The following CNTN4 variants were observed in gnomAD, a reference collection of about 807,000 sequenced individuals.
CNTN4 encodes the protein contactin 4.
Under a neutral mutation model 122.5 loss-of-function variants are expected in CNTN4, and 77 were observed. The ratio of observed to expected loss-of-function variants is 0.63; its 90% CI spans 0.52 to 0.76. The LOEUF is 0.76. Ranked by LOEUF, CNTN4 falls within the 30% of genes least tolerant of loss-of-function variation. The pLI is 0.00. For missense variants in CNTN4, 1,256 were observed against 1,259.1 expected (o/e 1.00, Z 0.04); for synonymous variants, 512 against 447.0 (o/e 1.15, Z -1.83).
intron 2 of CNTN4, among the ~76,000 whole-genome samples, chr3:2,178,546 G>A (rs1243397064): frequency 2.0e-5 from 3 of 152,058 alleles, no homozygotes. Context: ...TTGAATCAAT[G>A]ATTAAATATT....
intron 10 of CNTN4, among the ~76,000 whole-genome samples, chr3:2,899,566 G>T (rs553827022): frequency 6.6e-6 from 1 of 152,036 alleles, no homozygotes; most frequent in Non-Finnish European, 1.5e-5. Context: ...GGCAAGATTT[G>T]ATATTTATGA....
chr3:2,546,590 T>C (rs1330412700), intron 3 of CNTN4, among the ~76,000 whole-genome samples: 1 of 152,074 alleles, frequency 6.6e-6, no homozygotes, highest in Admixed American at 6.6e-5. Flanking sequence ...CAAACCTCCA[T>C]GACACACAGT....
Position 2,736,344 on chromosome 3 carries a change from TTGTTGATGTAAAAGCATG to T in CNTN4, c.182+8_182+25del. ...GGAAATCCAAAACCTCATATCAGGT[TTGTTGATGTAAAAGCATG>T]TGTTTCCATGCATATAGTTTCTGTT... On this transcript the variant is annotated splice_donor_5th_base_variant and intron_variant, in intron 5 of 24. Coordinates refer to ENST00000418658, the MANE Select transcript of CNTN4 (RefSeq NM_175607.3). 1 of 1,613,346 alleles carries T rather than the reference TTGTTGATGTAAAAGCATG, an allele frequency of 6.2e-7. No homozygotes were observed. The highest frequency in any genetic ancestry group is 1.1e-5 in the South Asian group (1 of 91,046).
chr3:2,234,653 G>A (rs561246884), intron 2 of CNTN4, among the ~76,000 whole-genome samples: 1 of 152,264 alleles, frequency 6.6e-6, no homozygotes, highest in South Asian at 2.1e-4. Context: ...GCATGAGGCA[G>A]ATGCATTGTT....
At chr3:2,108,458 A>C (rs1382720075) in intron 2 of CNTN4, among the ~76,000 whole-genome samples, 2 of 152,178 alleles carry the variant, frequency 1.3e-5, no homozygotes, top group Non-Finnish European at 2.9e-5. Context: ...TTTTAAAACC[A>C]GGAAAGTCTT....
intron 4 of CNTN4, among the ~76,000 whole-genome samples, chr3:2,705,986 TAAAATAAATATATA>T (rs1437221013): frequency 5.9e-5 from 8 of 135,536 alleles, no homozygotes; most frequent in Admixed American, 1.7e-4. Context: ...ATATAAAATA[TAAAATAAATATATA>T]AAAATAAATA....
At chr3:2,257,494 G>A (rs1403691789) in intron 2 of CNTN4, among the ~76,000 whole-genome samples, 1 of 152,102 alleles carries the variant, frequency 6.6e-6, no homozygotes, top group Non-Finnish European at 1.5e-5. Context: ...TCATCAGAGT[G>A]AACAGGCAAC....
At chr3:2,535,246 A>G (rs543304053) in intron 3 of CNTN4, among the ~76,000 whole-genome samples, 1 of 152,286 alleles carries the variant, frequency 6.6e-6, no homozygotes, top group South Asian at 2.1e-4. Flanking sequence ...ATGGTTGGAT[A>G]CTTGATCCTC....
chr3:2,823,081 A>G (rs1030556025), intron 7 of CNTN4, among the ~76,000 whole-genome samples: 1 of 152,124 alleles, frequency 6.6e-6, no homozygotes, highest in African/African-American at 2.4e-5. Flanking sequence ...AATCCTTCCA[A>G]TTTCTCAAAA....
rs1180423139 is a variant in CNTN4, at chr3:2,979,554, C to T, written c.1359-8791C>T. Among the ~76,000 whole-genome samples, 9 of 151,210 alleles carry T rather than the reference C, an allele frequency of 6.0e-5. 1 individual carries two copies. Among genetic ancestry groups the T allele is most frequent in the East Asian group, 3.9e-4 (2 of 5,140 alleles). On this transcript the variant is annotated intron_variant, in intron 13 of 24. Transcript: ENST00000418658. The stretch of plus-strand genomic sequence containing the variant: ...CTTTCAGGCTTTCAGCTTTCAAACA[C>T]GTTTTCTGGAACCAATCATGTATAA...
At chr3:2,284,549 A>G (rs1197652120) in intron 2 of CNTN4, among the ~76,000 whole-genome samples, 1 of 152,078 alleles carries the variant, frequency 6.6e-6, no homozygotes, top group East Asian at 1.9e-4. Flanking sequence ...ATTTTTATAT[A>G]AAGTGTAATT....
At chr3:2,129,074 A>G (rs2125264789) in intron 2 of CNTN4, among the ~76,000 whole-genome samples, 1 of 152,290 alleles carries the variant, frequency 6.6e-6, no homozygotes, top group East Asian at 1.9e-4. Flanking sequence ...CTTTCATAAT[A>G]TATTAACACG....
chr3:2,663,330 G>C (rs1339513832), intron 4 of CNTN4, among the ~76,000 whole-genome samples: 3 of 152,142 alleles, frequency 2.0e-5, no homozygotes, highest in African/African-American at 7.2e-5. Context: ...GATTCAAGAA[G>C]TACTGTAGGT....
chr3:2,329,735 A>ATTT (rs11442632), intron 2 of CNTN4, among the ~76,000 whole-genome samples: 3 of 151,296 alleles, frequency 2.0e-5, no homozygotes, highest in East Asian at 3.9e-4. Flanking sequence ...TTATTGAGGC[A>ATTT]TTTTTTTTTA....
intron 4 of CNTN4, among the ~76,000 whole-genome samples, chr3:2,634,656 C>T (rs1247228832): frequency 7.0e-6 from 1 of 143,698 alleles, no homozygotes; most frequent in Non-Finnish European, 1.5e-5. Context: ...CGGTGAAACC[C>T]CATCTCTACT....
chr3:2,125,560 TTC>T (rs1338252701), intron 2 of CNTN4, among the ~76,000 whole-genome samples: 1 of 125,478 alleles, frequency 8.0e-6, no homozygotes, highest in African/African-American at 3.0e-5. Context: ...CTTTTTCTTT[TTC>T]TTTTTTTTTT....
chr3:2,456,095 T>A (rs1189719920), intron 3 of CNTN4, among the ~76,000 whole-genome samples: 1 of 152,076 alleles, frequency 6.6e-6, no homozygotes, highest in Admixed American at 6.6e-5. Context: ...AGAGATTGGG[T>A]CACCTGCTAT....
chr3:2,479,784 A>G (rs1331826225), intron 3 of CNTN4, among the ~76,000 whole-genome samples: 9 of 152,166 alleles, frequency 5.9e-5, no homozygotes, highest in Non-Finnish European at 1.2e-4. Flanking sequence ...CGTGTTTCTC[A>G]CACTACCAAA....
At chr3:2,831,384 C>A (rs1276450961) in intron 7 of CNTN4, among the ~76,000 whole-genome samples, 1 of 152,186 alleles carries the variant, frequency 6.6e-6, no homozygotes, top group South Asian at 2.1e-4. Context: ...AGAATAAATA[C>A]AAAGTTCCAA....
Sources: allele counts gnomAD v4.1 joint callset (sites outside exome capture counted in the v4.1 genomes callset), GRCh38; gene constraint gnomAD v4.1.1; transcripts MANE v1.5; gene names NCBI Gene and HGNC (gene_info 2026-07-23, HGNC 2026-07-21).